The following WDFY2 variants were observed in gnomAD, a reference collection of about 807,000 sequenced individuals.
The protein encoded by WDFY2 is WD repeat and FYVE domain containing 2.
WDFY2 carries 36 observed loss-of-function variants against 56.4 expected under a neutral mutation model. The observed-to-expected ratio is 0.64, with a 90% CI of 0.49 to 0.84. The LOEUF (loss-of-function observed/expected upper bound fraction) is 0.84, where lower values mean the gene tolerates loss of function less well. WDFY2 is among the 40% of genes least tolerant of loss of function. The pLI, the probability that WDFY2 is intolerant of heterozygous loss-of-function variation, is 0.00. For missense variants in WDFY2, 444 were observed against 512.2 expected (o/e 0.87, Z 1.29); for synonymous variants, 176 against 183.7 (o/e 0.96, Z 0.34).
chr13:51,654,185 G>T (rs1051731932), intron 1 of WDFY2, among the ~76,000 whole-genome samples: 4 of 152,192 alleles, frequency 2.6e-5, no homozygotes, highest in East Asian at 1.9e-4. Flanking sequence ...GGCTCCGTGG[G>T]CGTAGGACCC....
intron 1 of WDFY2, among the ~76,000 whole-genome samples, chr13:51,623,330 A>T (rs560078205): frequency 6.6e-6 from 1 of 152,186 alleles, no homozygotes. Context: ...AGTAAGAGCA[A>T]TATGACTGGA....
intron 7 of WDFY2, among the ~76,000 whole-genome samples, 170 bp from the exon 8 acceptor site, chr13:51,751,140 T>A (rs942537308): frequency 7.2e-5 from 11 of 151,994 alleles, no homozygotes; most frequent in Non-Finnish European, 1.3e-4. Flanking sequence ...TTATTTTAAA[T>A]CCTGGATACT....
chr13:51,648,609 AGCAATTTTGGG>A (rs1209913713), intron 1 of WDFY2, among the ~76,000 whole-genome samples: 1 of 152,048 alleles, frequency 6.6e-6, no homozygotes, highest in Non-Finnish European at 1.5e-5. Flanking sequence ...ACCTTAAGGA[AGCAATTTTGGG>A]GCTAGGGGAG....
At chr13:51,667,496 T>C (rs1203923856) in intron 2 of WDFY2, among the ~76,000 whole-genome samples, 1 of 152,200 alleles carries the variant, frequency 6.6e-6, no homozygotes, top group Non-Finnish European at 1.5e-5. Flanking sequence ...GGGGAAAAGT[T>C]CATGTGGGTA....
At chr13:51,613,950 G>T (rs1383716633) in intron 1 of WDFY2, among the ~76,000 whole-genome samples, 10 of 152,108 alleles carry the variant, frequency 6.6e-5, no homozygotes, top group African/African-American at 2.2e-4. Flanking sequence ...ACTTTGGGAG[G>T]CTGAGGCGAG....
At chr13:51,589,033 TTC>T (rs1247622175) in intron 1 of WDFY2, 1 of 152,186 alleles carries the variant, frequency 6.6e-6, no homozygotes, top group African/African-American at 2.4e-5. Flanking sequence ...CCCTGCTGTG[TTC>T]TCTCTAAGTC....
intron 3 of WDFY2, among the ~76,000 whole-genome samples, chr13:51,679,106 G>A (rs1202000149): frequency 1.3e-5 from 2 of 152,178 alleles, no homozygotes; most frequent in Non-Finnish European, 2.9e-5. Flanking sequence ...GATTCAGGAT[G>A]AGTAGTAAGC....
chr13:51,616,147 G>A (rs1954608267), intron 1 of WDFY2, among the ~76,000 whole-genome samples: 1 of 152,244 alleles, frequency 6.6e-6, no homozygotes. Context: ...TGAGGTGGGG[G>A]GATTGCTTGA....
intron 1 of WDFY2, chr13:51,588,673 G>A (rs1953989264): frequency 6.6e-6 from 1 of 152,006 alleles, no homozygotes; most frequent in African/African-American, 2.4e-5. Flanking sequence ...GATAGAGGAG[G>A]CAAGAAAACT....
chr13:51,670,863 T>G (rs1955795670), intron 2 of WDFY2, among the ~76,000 whole-genome samples: 1 of 152,106 alleles, frequency 6.6e-6, no homozygotes. Context: ...CTTTTATCCC[T>G]CACCCCACTT....
chr13:51,694,634 T>G (rs1951822083), intron 3 of WDFY2, among the ~76,000 whole-genome samples: 1 of 152,170 alleles, frequency 6.6e-6, no homozygotes, highest in African/African-American at 2.4e-5. Context: ...TCATTTCAAC[T>G]TTGGTGAATG....
At chr13:51,729,280 T>C (rs549531499) in intron 6 of WDFY2, among the ~76,000 whole-genome samples, 1 of 152,114 alleles carries the variant, frequency 6.6e-6, no homozygotes, top group South Asian at 2.1e-4. Flanking sequence ...AGTTGCCTAA[T>C]AATCCCTCTC....
At chr13:51,600,266 G>GAGTCCCTTAGGTTTCTGTATC (rs1203975553) in intron 1 of WDFY2, among the ~76,000 whole-genome samples, 2 of 152,134 alleles carry the variant, frequency 1.3e-5, no homozygotes, top group African/African-American at 4.8e-5. Flanking sequence ...TATAATGATG[G>GAGTCCCTTAGGTTTCTGTATC]AGTCCCTTAG....
intron 1 of WDFY2, among the ~76,000 whole-genome samples, chr13:51,646,634 A>C (rs1955268187): frequency 6.6e-6 from 1 of 152,206 alleles, no homozygotes; most frequent in Non-Finnish European, 1.5e-5. Flanking sequence ...TAAATTAATG[A>C]ATCAACAAGT....
intron 3 of WDFY2, among the ~76,000 whole-genome samples, chr13:51,685,261 T>C (rs1343646169): frequency 1.3e-5 from 2 of 152,228 alleles, no homozygotes; most frequent in Non-Finnish European, 2.9e-5. Flanking sequence ...ACTTTAGTAT[T>C]TGTGTATCAT....
At chr13:51,625,521 T>C (rs746389008) in intron 1 of WDFY2, among the ~76,000 whole-genome samples, 11 of 152,200 alleles carry the variant, frequency 7.2e-5, no homozygotes, top group Non-Finnish European at 1.2e-4. Flanking sequence ...AAAAAACAAA[T>C]TGATATTTTG....
chr13:51,641,818 TC>T (rs1955169331), intron 1 of WDFY2, among the ~76,000 whole-genome samples: 1 of 94,346 alleles, frequency 1.1e-5, no homozygotes, highest in African/African-American at 4.4e-5. Context: ...AGAGCGAGAC[TC>T]CGTCTCAAAA....
chr13:51,730,286 G>T (rs989791087), intron 6 of WDFY2, among the ~76,000 whole-genome samples: 1 of 152,184 alleles, frequency 6.6e-6, no homozygotes, highest in African/African-American at 2.4e-5. Flanking sequence ...GTGACCAGTG[G>T]CCTGCTGGGA....
At chr13:51,682,679 A>G (rs1001370333) in intron 3 of WDFY2, among the ~76,000 whole-genome samples, 1 of 152,086 alleles carries the variant, frequency 6.6e-6, no homozygotes, top group Non-Finnish European at 1.5e-5. Context: ...TAGGGTTGTT[A>G]TTAGGACTAT....
Sources: allele counts gnomAD v4.1 joint callset (sites outside exome capture counted in the v4.1 genomes callset), GRCh38; gene constraint gnomAD v4.1.1; transcripts MANE v1.5; gene names NCBI Gene and HGNC (gene_info 2026-07-23, HGNC 2026-07-21).